The following CORO2B variants were observed in gnomAD, a reference collection of about 807,000 sequenced individuals.
CORO2B encodes coronin-2B.
CORO2B carries 26 observed loss-of-function variants against 58.8 expected under a neutral mutation model. That is an observed-to-expected ratio of 0.44 (90% CI 0.32 to 0.61). CORO2B has a LOEUF of 0.61. CORO2B is among the 20% of genes least tolerant of loss of function. The probability of loss-of-function intolerance (pLI) is 0.04; values close to 1 mark genes in which losing one functional copy is unlikely to be tolerated. For missense variants in CORO2B, 460 were observed against 645.1 expected (o/e 0.71, Z 3.11); for synonymous variants, 242 against 253.8 (o/e 0.95, Z 0.44).
the CORO2B span, among the ~76,000 whole-genome samples, chr15:68,532,318 T>C: frequency 6.6e-6 from 1 of 152,330 alleles, no homozygotes; most frequent in South Asian, 2.1e-4. Flanking sequence ...CCATAAGACA[T>C]TGTGGCTATG....
At chr15:68,546,006 C>A in the CORO2B span, among the ~76,000 whole-genome samples, 1 of 152,192 alleles carries the variant, frequency 6.6e-6, no homozygotes, top group Non-Finnish European at 1.5e-5. Flanking sequence ...TCTCTGCCCT[C>A]CCCCTTTTGC....
chr15:68,695,016 A>G (rs1331214734), intron 2 of CORO2B, 124 bp from the exon 3 acceptor site: 3 of 706,912 alleles, frequency 4.2e-6, no homozygotes, highest in Middle Eastern at 2.5e-4. Context: ...AAAATAAAAC[A>G]CAGGTGATTC....
chr15:68,531,307 C>T, the CORO2B span, among the ~76,000 whole-genome samples: 1 of 147,760 alleles, frequency 6.8e-6, no homozygotes, highest in Non-Finnish European at 1.5e-5. Context: ...CTGGTGAAAC[C>T]TCATCTCAAC....
At chr15:68,604,493 TAAA>T (rs1900059621) in intron 1 of CORO2B, among the ~76,000 whole-genome samples, 1 of 151,826 alleles carries the variant, frequency 6.6e-6, no homozygotes, top group Non-Finnish European at 1.5e-5. Flanking sequence ...ACCAGGAAAT[TAAA>T]AAGGTGTGGT....
At chr15:68,668,536 G>A (rs1463726331) in intron 2 of CORO2B, among the ~76,000 whole-genome samples, 2 of 152,280 alleles carry the variant, frequency 1.3e-5, no homozygotes, top group South Asian at 2.1e-4. Context: ...GGATGGAGCC[G>A]GTCAAGTAAA....
chr15:68,557,163 C>A, the CORO2B span, among the ~76,000 whole-genome samples: 2 of 152,336 alleles, frequency 1.3e-5, no homozygotes, highest in Middle Eastern at 3.4e-3. Context: ...CAACAAATGA[C>A]CCTGCCCTGC....
At chr15:68,670,187 T>C (rs1902341563) in intron 2 of CORO2B, among the ~76,000 whole-genome samples, 1 of 152,160 alleles carries the variant, frequency 6.6e-6, no homozygotes, top group African/African-American at 2.4e-5. Context: ...TGGTTTGTTT[T>C]GTTTTGAGAC....
the CORO2B span, among the ~76,000 whole-genome samples, chr15:68,531,552 G>A: frequency 0.04 from 2,750 of 68,704 alleles, 36 homozygotes; most frequent in Non-Finnish European, 0.06. Context: ...AGGAAGGAAG[G>A]AAGGAAAGAA....
At chr15:68,672,159 G>GGTTGTGTGTGTGTGT (rs1555415404) in intron 2 of CORO2B, among the ~76,000 whole-genome samples, 27 of 146,288 alleles carry the variant, frequency 1.8e-4, no homozygotes, top group African/African-American at 6.6e-4. Context: ...GTAATCGGGA[G>GGTTGTGTGTGTGTGT]GTGTGTGTGT....
the CORO2B span, among the ~76,000 whole-genome samples, chr15:68,563,029 G>T: frequency 6.6e-6 from 1 of 151,078 alleles, no homozygotes; most frequent in Non-Finnish European, 1.5e-5. Flanking sequence ...ATACTAAAAT[G>T]CCTAGGATTC....
chr15:68,684,755 T>C (rs952519815), intron 2 of CORO2B, among the ~76,000 whole-genome samples: 1 of 152,220 alleles, frequency 6.6e-6, no homozygotes, highest in Non-Finnish European at 1.5e-5. Context: ...CTAATTAAGA[T>C]AATGTCTGTG....
chr15:68,689,857 C>T (rs569615342), intron 2 of CORO2B, among the ~76,000 whole-genome samples: 14 of 152,372 alleles, frequency 9.2e-5, no homozygotes, highest in African/African-American at 3.1e-4. Flanking sequence ...TAATACTCTA[C>T]AGCCTGTAGC....
chr15:68,573,500 G>T, the CORO2B span, among the ~76,000 whole-genome samples: 1 of 152,158 alleles, frequency 6.6e-6, no homozygotes, highest in Admixed American at 6.5e-5. Context: ...AAGGGTTGTG[G>T]TGGGTAGAGG....
chr15:68,640,061 C>T (rs1204510940), intron 1 of CORO2B, among the ~76,000 whole-genome samples: 1 of 152,178 alleles, frequency 6.6e-6, no homozygotes, highest in Non-Finnish European at 1.5e-5. Flanking sequence ...AGGGAGGAGT[C>T]TTTTCTGTTC....
At chr15:68,538,292 C>T in the CORO2B span, among the ~76,000 whole-genome samples, 2 of 152,124 alleles carry the variant, frequency 1.3e-5, no homozygotes, top group South Asian at 4.1e-4. Context: ...GCCCACCTGC[C>T]CCTCAGTAAC....
chr15:68,616,278 C>CG (rs887773158), intron 1 of CORO2B, among the ~76,000 whole-genome samples: 12 of 152,154 alleles, frequency 7.9e-5, no homozygotes, highest in South Asian at 4.1e-4. Context: ...TGCACTTATT[C>CG]GGGGGAAAAA....
At chr15:68,614,352 C>T (rs150763228) in intron 1 of CORO2B, among the ~76,000 whole-genome samples, 255 of 152,294 alleles carry the variant, frequency 1.7e-3, no homozygotes, top group Non-Finnish European at 2.7e-3. Context: ...AATTGTGCAT[C>T]GCTTCTTTTA....
chr15:68,543,427 T>C, the CORO2B span, among the ~76,000 whole-genome samples: 2 of 152,094 alleles, frequency 1.3e-5, no homozygotes, highest in African/African-American at 2.4e-5. Context: ...GGTCAACACA[T>C]TGTTTATCTT....
At chr15:68,711,024 C>A in intron 4 of CORO2B, 143 bp downstream of exon 4, 1 of 998,144 alleles carries the variant, frequency 1.0e-6, no homozygotes, top group Non-Finnish European at 1.4e-6. Context: ...TTCATTCATT[C>A]GCTACACGCA....
Sources: allele counts gnomAD v4.1 joint callset (sites outside exome capture counted in the v4.1 genomes callset), GRCh38; gene constraint gnomAD v4.1.1; transcripts MANE v1.5; gene names NCBI Gene and HGNC (gene_info 2026-07-23, HGNC 2026-07-21).